GULP1: variants seen among roughly 807,000 people sequenced by gnomAD.
The protein encoded by GULP1 is GULP PTB domain containing engulfment adaptor 1, also known as PTB domain-containing engulfment adapter protein 1.
In GULP1, 19 loss-of-function variants were observed where a neutral mutation model predicts 40.9. The ratio of observed to expected loss-of-function variants is 0.46; its 90% CI spans 0.32 to 0.68. The LOEUF (loss-of-function observed/expected upper bound fraction) is 0.68. GULP1 is among the 30% of genes least tolerant of loss of function. The probability of loss-of-function intolerance (pLI) is 0.03; values close to 1 mark genes in which losing one functional copy is unlikely to be tolerated. For missense variants in GULP1, 312 were observed against 362.2 expected (o/e 0.86, Z 1.12); for synonymous variants, 119 against 117.6 (o/e 1.01, Z -0.08).
rs567479051 is a variant in GULP1, at chr2:188,503,514, T to C, written c.91-19242T>C. Among the ~76,000 whole-genome samples, 9 of 152,008 alleles carry C rather than the reference T, an allele frequency of 5.9e-5. No individual in the cohort carries two copies. The South Asian group carries it at 1.9e-3, about 32-fold the overall frequency. ...ACATGGAGGAAACTGCCCCCCGTGA[T>C]CCATCACCTCCCACCAGATCCCTCC... On this transcript the variant is annotated intron_variant, in intron 4 of 11. Transcript: ENST00000409830.
chr2:188,501,234 C>A (rs1056323007), intron 4 of GULP1, among the ~76,000 whole-genome samples: 14 of 151,942 alleles, frequency 9.2e-5, no homozygotes, highest in Middle Eastern at 6.8e-3. Flanking sequence ...CAGTTTCCCC[C>A]ATGCTGTTCT....
chr2:188,359,366 G>A (rs566321617), intron 1 of GULP1, among the ~76,000 whole-genome samples: 6 of 152,166 alleles, frequency 3.9e-5, no homozygotes, highest in South Asian at 2.1e-4. Flanking sequence ...CTAAATAAAC[G>A]GGGCTGTGAT....
chr2:188,556,605 A>G (rs1362223110), intron 7 of GULP1, among the ~76,000 whole-genome samples: 2 of 152,072 alleles, frequency 1.3e-5, no homozygotes, highest in Non-Finnish European at 2.9e-5. Context: ...TGTTTCTTTC[A>G]AGGTGTCATA....
chr2:188,337,037 A>G (rs191521403), intron 1 of GULP1, among the ~76,000 whole-genome samples: 106 of 152,288 alleles, frequency 7.0e-4, no homozygotes, highest in Admixed American at 2.9e-3. Flanking sequence ...CCTTGTGAGT[A>G]GTTTCCCAGA....
intron 7 of GULP1, among the ~76,000 whole-genome samples, chr2:188,568,472 G>T (rs1323439908): frequency 6.6e-6 from 1 of 152,144 alleles, no homozygotes; most frequent in African/African-American, 2.4e-5. Context: ...AGATATATTT[G>T]TGGCAGTTTC....
rs556878131 is a variant in GULP1, at chr2:188,565,915, CA to C, written c.400-3323del. On this transcript the variant is annotated intron_variant, in intron 7 of 11. Coordinates refer to ENST00000409830, the MANE Select transcript of GULP1 (RefSeq NM_016315.4). ...GAAACTTTAATTTAGTAGAAGAATA[CA>C]GACACAAAATAATACATATTAGTCT... Among the ~76,000 whole-genome samples, 20 of 152,076 alleles carry C rather than the reference CA, an allele frequency of 1.3e-4. No homozygotes were observed. In the South Asian group the frequency reaches 3.5e-3, roughly 27 times the overall value.
At chr2:188,484,253 CT>C (rs2061677285) in intron 4 of GULP1, among the ~76,000 whole-genome samples, 1 of 152,000 alleles carries the variant, frequency 6.6e-6, no homozygotes, top group African/African-American at 2.4e-5. Flanking sequence ...TTTAAAAATT[CT>C]TTTGTTCAAG....
chr2:188,416,812 CACTT>C (rs1575115983), intron 2 of GULP1, among the ~76,000 whole-genome samples: 1 of 152,174 alleles, frequency 6.6e-6, no homozygotes, highest in Admixed American at 6.5e-5. Flanking sequence ...GCACACAAAA[CACTT>C]ACTGAGTTTA....
intron 10 of GULP1, 83 bp downstream of exon 10, chr2:188,584,486 ATATCT>A (rs1701965684): frequency 1.7e-6 from 1 of 604,964 alleles, no homozygotes; most frequent in Non-Finnish European, 2.7e-6. Flanking sequence ...GGGAAATTAC[ATATCT>A]TAACAACCTT....
At chr2:188,575,459 A>G (rs1369725599) in intron 9 of GULP1, among the ~76,000 whole-genome samples, 1 of 152,204 alleles carries the variant, frequency 6.6e-6, no homozygotes, top group Non-Finnish European at 1.5e-5. Context: ...AAATACATGT[A>G]AAAATGTAGA....
At chr2:188,489,434 T>C (rs573828306) in intron 4 of GULP1, among the ~76,000 whole-genome samples, 3 of 152,188 alleles carry the variant, frequency 2.0e-5, no homozygotes, top group Non-Finnish European at 2.9e-5. Context: ...GAGTCTTTAA[T>C]TTCAAAGCAT....
chr2:188,311,274 G>A (rs955963178), intron 1 of GULP1, among the ~76,000 whole-genome samples: 9 of 151,958 alleles, frequency 5.9e-5, no homozygotes, highest in African/African-American at 2.2e-4. Flanking sequence ...TTGGCTCACT[G>A]CAAGCTCCAC....
chr2:188,513,181 A>T (rs1167851408), intron 4 of GULP1, among the ~76,000 whole-genome samples: 1 of 152,150 alleles, frequency 6.6e-6, no homozygotes, highest in African/African-American at 2.4e-5. Context: ...TTTAAAAAAG[A>T]CATTTACTAG....
chr2:188,293,154 C>G (rs972657545), intron 1 of GULP1: 2 of 152,250 alleles, frequency 1.3e-5, no homozygotes, highest in Admixed American at 6.5e-5. Context: ...CTTGGCGGGT[C>G]CACTTGGTAC....
intron 2 of GULP1, among the ~76,000 whole-genome samples, chr2:188,441,475 G>T (rs930583670): frequency 6.6e-6 from 1 of 152,114 alleles, no homozygotes; most frequent in Non-Finnish European, 1.5e-5. Context: ...GTTCCTGCTT[G>T]TATTCCACAG....
At chr2:188,576,273 T>A (rs1430199029) in intron 9 of GULP1, among the ~76,000 whole-genome samples, 1 of 152,160 alleles carries the variant, frequency 6.6e-6, no homozygotes, top group Non-Finnish European at 1.5e-5. Flanking sequence ...TGTCCTTTTT[T>A]ATTGTCATTG....
chr2:188,372,163 T>C (rs907114811), intron 1 of GULP1, among the ~76,000 whole-genome samples: 2 of 152,122 alleles, frequency 1.3e-5, no homozygotes, highest in Non-Finnish European at 2.9e-5. Flanking sequence ...TGAGATAATG[T>C]ATTGTGCTGA....
At chr2:188,393,272 C>T (rs2050772498) in intron 2 of GULP1, among the ~76,000 whole-genome samples, 1 of 151,812 alleles carries the variant, frequency 6.6e-6, no homozygotes, top group Non-Finnish European at 1.5e-5. Context: ...GAGTTAGATG[C>T]ATATAAATTT....
chr2:188,521,970 G>C (rs1054582139), intron 4 of GULP1, among the ~76,000 whole-genome samples: 1 of 152,132 alleles, frequency 6.6e-6, no homozygotes, highest in Non-Finnish European at 1.5e-5. Flanking sequence ...CAGCTACTCG[G>C]GAGGCTGAGG....
Sources: allele counts gnomAD v4.1 joint callset (sites outside exome capture counted in the v4.1 genomes callset), GRCh38; gene constraint gnomAD v4.1.1; transcripts MANE v1.5; gene names NCBI Gene and HGNC (gene_info 2026-07-23, HGNC 2026-07-21).